The following WWOX variants were observed in gnomAD, a reference collection of about 807,000 sequenced individuals.
WWOX encodes the protein WW domain-containing oxidoreductase.
WWOX carries 69 observed loss-of-function variants against 46.2 expected under a neutral mutation model. The ratio of observed to expected loss-of-function variants is 1.49; its 90% CI spans 1.23 to 1.82. WWOX has a LOEUF of 1.82. WWOX is among the 40% of genes most tolerant of loss of function. The pLI, the probability that WWOX is intolerant of heterozygous loss-of-function variation, is 0.00. For missense variants in WWOX, 919 were observed against 542.6 expected (o/e 1.69, Z -6.89); for synonymous variants, 359 against 202.6 (o/e 1.77, Z -6.56).
At chr16:78,298,461 A>G (rs925832704) in intron 5 of WWOX, among the ~76,000 whole-genome samples, 2 of 152,042 alleles carry the variant, frequency 1.3e-5, no homozygotes, top group African/African-American at 2.4e-5. Flanking sequence ...CTTAATCCTT[A>G]TGAGTCCCGG....
At chr16:78,649,644 C>G (rs1206498112) in intron 8 of WWOX, among the ~76,000 whole-genome samples, 1 of 152,182 alleles carries the variant, frequency 6.6e-6, no homozygotes, top group Admixed American at 6.5e-5. Flanking sequence ...GCTTACTTTC[C>G]CTTCTGTCCT....
chr16:79,052,025 T>C (rs925822544), intron 8 of WWOX, among the ~76,000 whole-genome samples: 1 of 125,294 alleles, frequency 8.0e-6, no homozygotes, highest in South Asian at 2.6e-4. Flanking sequence ...CTCTTTTTTC[T>C]TTTTTTATTT....
At chr16:79,094,546 C>A (rs564881490) in intron 8 of WWOX, among the ~76,000 whole-genome samples, 2 of 152,308 alleles carry the variant, frequency 1.3e-5, no homozygotes, top group Non-Finnish European at 2.9e-5. Flanking sequence ...GCCACCGCAC[C>A]AGGCCATTTC....
chr16:78,828,767 A>G (rs951028640), intron 8 of WWOX, among the ~76,000 whole-genome samples: 61 of 152,252 alleles, frequency 4.0e-4, no homozygotes, highest in African/African-American at 1.4e-3. Flanking sequence ...GGGCACAATT[A>G]TTATTTCTCT....
At chr16:78,796,092 C>G (rs992459236) in intron 8 of WWOX, among the ~76,000 whole-genome samples, 3 of 152,192 alleles carry the variant, frequency 2.0e-5, no homozygotes, top group African/African-American at 7.2e-5. Context: ...GAGAATGGCT[C>G]TGAATGTCTA....
rs114069698 is a variant in WWOX, at chr16:79,047,943, C to G, written c.1057-163665C>G. Among the ~76,000 whole-genome samples the G allele has an allele frequency of 8.1e-3, 1,239 of 152,184 alleles. 21 individuals are homozygous for G. Among genetic ancestry groups the G allele is most frequent in the African/African-American group, 0.028 (1,148 of 41,514 alleles). ...CCCGAGCAATTACCTAGCACAAAAT[C>G]TCCTGTCTGCAGAGGAGTTGCAGGA... On this transcript the variant is annotated intron_variant, in intron 8 of 8. Transcript: ENST00000566780.
chr16:79,014,974 G>C (rs1725297770), intron 8 of WWOX, among the ~76,000 whole-genome samples: 1 of 152,100 alleles, frequency 6.6e-6, no homozygotes, highest in Non-Finnish European at 1.5e-5. Flanking sequence ...GTATCCACTG[G>C]GCAAAGGTAC....
intron 8 of WWOX, among the ~76,000 whole-genome samples, chr16:79,166,939 A>G (rs1236907094): frequency 6.6e-6 from 1 of 152,088 alleles, no homozygotes; most frequent in East Asian, 1.9e-4. Flanking sequence ...TTCATCATAT[A>G]TATAATAATT....
chr16:78,272,874 T>C (rs540816000), intron 5 of WWOX, among the ~76,000 whole-genome samples: 1 of 152,306 alleles, frequency 6.6e-6, no homozygotes, highest in South Asian at 2.1e-4. Context: ...CATTTTGGTC[T>C]GCCTTTCACC....
intron 8 of WWOX, among the ~76,000 whole-genome samples, chr16:79,177,823 T>TA (rs1343677399): frequency 6.6e-6 from 1 of 152,244 alleles, no homozygotes; most frequent in African/African-American, 2.4e-5. Flanking sequence ...TACTAAATGT[T>TA]ACCATTTTCC....
chr16:78,334,972 G>C (rs968206257), intron 5 of WWOX, among the ~76,000 whole-genome samples: 2 of 150,878 alleles, frequency 1.3e-5, no homozygotes, highest in Non-Finnish European at 2.9e-5. Context: ...TTTATTATGA[G>C]ATACACGAAG....
intron 5 of WWOX, among the ~76,000 whole-genome samples, chr16:78,347,178 CTCTT>C (rs1426273881): frequency 1.7e-5 from 2 of 118,754 alleles, no homozygotes; most frequent in Non-Finnish European, 4.0e-5. Flanking sequence ...TGTCTTCCTT[CTCTT>C]TCTAATTATC....
Position 78,386,910 on chromosome 16 carries a change from C to T in WWOX, c.567C>T (p.Ser189=), listed in dbSNP as rs201593515. The change falls in exon 6 of 9, where the codon AGC becomes AGT. Residue 189 remains serine (S), a synonymous_variant. Transcript: ENST00000566780. ...CCCTGGACCTCGCTCTGCTCCGTAG[C>T]GTGCAGCATTTTGCTGAAGCATTCA... The part of the protein sequence containing the change: ...AMTLDLALLR[S]VQHFAEAFKA... 31 of 1,614,118 alleles carry T rather than the reference C, an allele frequency of 1.9e-5. No homozygotes were observed. The highest frequency in any genetic ancestry group is 1.5e-4 in the Admixed American group (9 of 60,018).
intron 8 of WWOX, among the ~76,000 whole-genome samples, chr16:78,559,059 A>G (rs2044372024): frequency 6.6e-6 from 1 of 152,220 alleles, no homozygotes; most frequent in Non-Finnish European, 1.5e-5. Context: ...GTGGAAGGAC[A>G]CATAGTTCCG....
At chr16:78,485,450 C>G (rs1384896303) in intron 8 of WWOX, among the ~76,000 whole-genome samples, 1 of 152,188 alleles carries the variant, frequency 6.6e-6, no homozygotes, top group Non-Finnish European at 1.5e-5. Context: ...AGGAACCAAA[C>G]TCTCTTTCTT....
chr16:78,368,383 C>G (rs527613397), intron 5 of WWOX, among the ~76,000 whole-genome samples: 15 of 152,166 alleles, frequency 9.9e-5, no homozygotes, highest in Non-Finnish European at 8.8e-5. Context: ...GCTTTGTAGA[C>G]CTGATATCCC....
Position 78,343,333 on chromosome 16 carries a change from C to T in WWOX, c.517-43527C>T, listed in dbSNP as rs190300877. On this transcript the variant is annotated intron_variant, in intron 5 of 8. Transcript: ENST00000566780. ...CACCGCCACGTTCCTCGCCTACTTG[C>T]TTCTAGGCACATTAAACGGTCAGTG... Among the ~76,000 whole-genome samples the T allele has an allele frequency of 2.1e-4, 25 of 121,414 alleles. 2 individuals are homozygous for T. In the East Asian group the frequency reaches 3.7e-3, roughly 18 times the overall value. 79.7% of individuals were successfully genotyped at this position (121,414 alleles called of 152,430 possible).
intron 8 of WWOX, among the ~76,000 whole-genome samples, chr16:79,069,160 C>T (rs530640676): frequency 6.6e-6 from 1 of 152,106 alleles, no homozygotes; most frequent in Admixed American, 6.5e-5. Flanking sequence ...CTGCGCTTGG[C>T]GAAGGTAAAT....
chr16:78,634,430 G>T (rs1043928920), intron 8 of WWOX, among the ~76,000 whole-genome samples: 2 of 152,120 alleles, frequency 1.3e-5, no homozygotes, highest in Admixed American at 6.5e-5. Flanking sequence ...AGGGACAGCC[G>T]GGCGCAGTGG....
Sources: gnomAD v4.1 joint callset for allele counts (sites outside exome capture counted in the v4.1 genomes callset) on GRCh38, gnomAD v4.1.1 for gene constraint, MANE v1.5 for transcripts, NCBI Gene and HGNC (gene_info 2026-07-23, HGNC 2026-07-21) for gene names.